WHRN: variants seen among roughly 807,000 people sequenced by gnomAD.
The protein encoded by WHRN is whirlin, also known as CASK-interacting protein CIP98.
WHRN carries 41 observed loss-of-function variants against 68.3 expected under a neutral mutation model. The ratio of observed to expected loss-of-function variants is 0.60; its 90% confidence interval spans 0.47 to 0.78. The LOEUF (loss-of-function observed/expected upper bound fraction) is 0.78. Ranked by LOEUF, WHRN falls within the 30% of genes least tolerant of loss-of-function variation. The probability of loss-of-function intolerance (pLI) is 0.00; values close to 1 mark genes in which losing one functional copy is unlikely to be tolerated. For missense variants in WHRN, 1,243 were observed against 1,244.7 expected, an observed-to-expected ratio of 1.00 and a Z score of 0.02; for synonymous variants, 560 against 561.3, an observed-to-expected ratio of 1.00 and a Z score of 0.03.
intron 3 of WHRN, among the ~76,000 whole-genome samples, chr9:114,452,118 G>A (rs1359093727): frequency 6.6e-6 from 1 of 152,188 alleles, no homozygotes; most frequent in African/African-American, 2.4e-5. Flanking sequence ...CATAGGAAAG[G>A]TAAAGAATAA....
intron 2 of WHRN, among the ~76,000 whole-genome samples, chr9:114,475,273 T>C (rs7847963): frequency 3.9e-5 from 6 of 151,998 alleles, no homozygotes; most frequent in African/African-American, 9.7e-5. Context: ...CCATGACAAA[T>C]TGATTCTAGT....
intron 3 of WHRN, among the ~76,000 whole-genome samples, chr9:114,461,625 T>C (rs540685508): frequency 6.6e-6 from 1 of 152,336 alleles, no homozygotes; most frequent in South Asian, 2.1e-4. Flanking sequence ...ACTGGAACAC[T>C]TCTTTCCACT....
intron 1 of WHRN, among the ~76,000 whole-genome samples, chr9:114,495,441 C>T (rs1157874328): frequency 6.6e-6 from 1 of 152,100 alleles, no homozygotes; most frequent in East Asian, 1.9e-4. Context: ...CCTGGAGAGT[C>T]CAGCCTCCCT....
intron 9 of WHRN, among the ~76,000 whole-genome samples, chr9:114,405,992 G>A (rs183071869): frequency 1.1e-3 from 165 of 152,320 alleles, no homozygotes; most frequent in African/African-American, 3.8e-3. Context: ...AGGCCATGGC[G>A]GACAGGAAGG....
intron 3 of WHRN, among the ~76,000 whole-genome samples, chr9:114,450,089 T>C (rs1225805174): frequency 6.6e-6 from 1 of 151,982 alleles, no homozygotes; most frequent in Non-Finnish European, 1.5e-5. Context: ...ACCTCAGGGA[T>C]AGGCACTCCC....
At chr9:114,482,125 C>T (rs534262642) in intron 1 of WHRN, among the ~76,000 whole-genome samples, 3 of 150,960 alleles carry the variant, frequency 2.0e-5, no homozygotes, top group Admixed American at 6.6e-5. Flanking sequence ...AAGGTCTTCA[C>T]GACACATGCC....
rs778841607 is a variant in WHRN, at chr9:114,504,365, G to A, written c.437C>T (p.Ala146Val). 18 of 1,607,178 alleles carry A rather than the reference G, an allele frequency of 1.1e-5. No homozygotes were observed. In the Middle Eastern group the frequency reaches 4.9e-4, roughly 44 times the overall value. The part of the protein sequence containing the change: ...GEVRLVSLRR[A>V]KAHEGLGFSI... ...GAAGCCCAAGCCCTCGTGGGCCTTGGCACGCCGCAAACTCACCAGGCGCAC... is the reference window on the plus strand; with the variant it reads ...GAAGCCCAAGCCCTCGTGGGCCTTGACACGCCGCAAACTCACCAGGCGCAC... Residue 146 changes from alanine to valine, a missense_variant, in exon 1 of 12, where the codon GCC becomes GTC. Physicochemically the swap from Ala to Val is moderately conservative, Grantham distance 64 (BLOSUM62 0). Transcript: ENST00000362057.
intron 2 of WHRN, among the ~76,000 whole-genome samples, chr9:114,473,262 TC>T (rs1333382368): frequency 2.0e-5 from 3 of 152,216 alleles, no homozygotes; most frequent in African/African-American, 7.2e-5. Flanking sequence ...AAATAGCTGT[TC>T]CTGCCCGCAT....
At chr9:114,489,847 A>T (rs1589254884) in intron 1 of WHRN, among the ~76,000 whole-genome samples, 2 of 151,762 alleles carry the variant, frequency 1.3e-5, no homozygotes, top group Non-Finnish European at 2.9e-5. Flanking sequence ...TTCTCCTCCT[A>T]CCTCTCTCCC....
At chr9:114,415,068 G>A (rs561017932) in intron 7 of WHRN, among the ~76,000 whole-genome samples, 3 of 152,216 alleles carry the variant, frequency 2.0e-5, no homozygotes, top group South Asian at 4.1e-4. Flanking sequence ...AGGCCAAGGC[G>A]GGAGGATCCC....
rs1834762138 is a variant in WHRN at position 114,402,728 on chromosome 9, G to A, written c.*26C>T. ...GGACTGGGACCAGGGGCTGGGCAGT[G>A]GTGGGAGGCCCTCAGGCCTTGGCCT... On this transcript the variant is annotated 3_prime_UTR_variant, in exon 12 of 12. Transcript: ENST00000362057. 1 of 1,613,168 alleles carries A rather than the reference G, an allele frequency of 6.2e-7. No homozygotes were observed. Among genetic ancestry groups the A allele is most frequent in the Admixed American group, 1.7e-5 (1 of 60,008 alleles).
chr9:114,438,504 G>C (rs1263069168), intron 3 of WHRN, among the ~76,000 whole-genome samples: 1 of 146,916 alleles, frequency 6.8e-6, no homozygotes, highest in South Asian at 2.2e-4. Context: ...CCAGGCTGGA[G>C]TGCAGTGGCG....
At chr9:114,417,335 C>G (rs900674095) in intron 7 of WHRN, among the ~76,000 whole-genome samples, 6 of 152,178 alleles carry the variant, frequency 3.9e-5, no homozygotes, top group African/African-American at 1.4e-4. Flanking sequence ...TCTCGGTCAT[C>G]GATAGCCAGC....
At chr9:114,494,074 C>G (rs778535401) in intron 1 of WHRN, among the ~76,000 whole-genome samples, 2 of 152,222 alleles carry the variant, frequency 1.3e-5, no homozygotes, top group Non-Finnish European at 2.9e-5. Context: ...GGGTCACCTC[C>G]TCTTCCAATT....
chr9:114,442,017 CTGCCAAA>C (rs1206311453), intron 3 of WHRN, among the ~76,000 whole-genome samples: 1 of 152,208 alleles, frequency 6.6e-6, no homozygotes, highest in Admixed American at 6.5e-5. Context: ...TAGCATGATC[CTGCCAAA>C]ATGCATAAAC....
intron 1 of WHRN, among the ~76,000 whole-genome samples, chr9:114,482,630 T>C (rs1371453701): frequency 1.3e-5 from 2 of 151,794 alleles, no homozygotes; most frequent in Admixed American, 6.6e-5. Context: ...CCCCTCAGCA[T>C]GTCTGCATGG....
rs376633891 is a variant in WHRN at position 114,475,920 on chromosome 9, G to T, written c.837+2633C>A. Among the ~76,000 whole-genome samples, 16 of 152,058 alleles carry T rather than the reference G, an allele frequency of 1.1e-4. No individual in the cohort carries two copies. The South Asian group carries it at 3.3e-3, about 32-fold the overall frequency. ...GTTCAGGGTGTCTCCTGCCTCCTTCGGTATCTGGGTCCTCCCTGGAGTATG... is the reference window on the plus strand; with the variant it reads ...GTTCAGGGTGTCTCCTGCCTCCTTCTGTATCTGGGTCCTCCCTGGAGTATG... On this transcript the variant is annotated intron_variant, in intron 2 of 11. Coordinates refer to ENST00000362057, the MANE Select transcript of WHRN (RefSeq NM_015404.4).
chr9:114,503,228 T>G (rs1589285600), intron 1 of WHRN: 2 of 984,050 alleles, frequency 2.0e-6, no homozygotes, highest in Non-Finnish European at 2.4e-6. Flanking sequence ...TGGCGGGGAG[T>G]GGGGGTTTAC....
Position 114,478,624 on chromosome 9 carries a change from C to G in WHRN, c.766G>C (p.Gly256Arg). The G allele has an allele frequency of 6.2e-7, 1 of 1,614,006 alleles. No individual in the cohort carries two copies. The highest frequency in any genetic ancestry group is 8.5e-7 in the Non-Finnish European group (1 of 1,179,980). The change falls in exon 2 of 12, where the codon GGT (glycine) becomes CGT (arginine). Residue 256 changes from glycine to arginine, a missense_variant. Transcript: ENST00000362057. ...PPSGLPQPHG[G>R]ALRQQEGDRR... ...TCACCCTCCTGCTGCCTCAGGGCAC[C>G]ACCGTGGGGCTGGGGCAGGCCCGAG...
Sources: allele counts gnomAD v4.1 joint callset (sites outside exome capture counted in the v4.1 genomes callset), GRCh38; gene constraint gnomAD v4.1.1; transcripts MANE v1.5; gene names NCBI Gene and HGNC (gene_info 2026-07-23, HGNC 2026-07-21).